ST3GAL2: variants seen among roughly 807,000 people sequenced by gnomAD.
ST3GAL2 encodes the protein ST3 beta-galactoside alpha-2,3-sialyltransferase 2, also known as CMP-N-acetylneuraminate-beta-galactosamide-alpha-2,3-sialyltransferase 2.
Under a neutral mutation model 37.5 loss-of-function variants are expected in ST3GAL2, and 16 were observed. The ratio of observed to expected loss-of-function variants is 0.43; its 90% CI spans 0.29 to 0.65. ST3GAL2 has a LOEUF of 0.65. Ranked by LOEUF, ST3GAL2 falls within the 30% of genes least tolerant of loss-of-function variation. ST3GAL2 has a pLI of 0.17. For synonymous variants in ST3GAL2, 238 were observed against 202.9 expected (o/e 1.17, Z -1.47); for missense variants, 383 against 487.8 (o/e 0.79, Z 2.02).
chr16:70,396,139 T>C (rs2047514677), intron 2 of ST3GAL2, among the ~76,000 whole-genome samples: 1 of 151,830 alleles, frequency 6.6e-6, no homozygotes. Context: ...ACCCTACTAA[T>C]TTTGTATTTT....
At position 70,399,132 on chromosome 16, in the gene ST3GAL2, A is replaced by C; in HGVS notation, c.-602T>G. ...ACCCCAACCCTGAGAGGACAAAAAC[A>C]GGAAGCTCTGTGAGTGTGGGAAAAC... On this transcript the variant is annotated 5_prime_UTR_variant, in exon 2 of 7. Coordinates refer to ENST00000342907, the MANE Select transcript of ST3GAL2 (RefSeq NM_006927.4). 2.5e-6 allele frequency: 1 copy of C among 399,932 alleles called. No homozygotes were observed. Among genetic ancestry groups the C allele is most frequent in the Non-Finnish European group, 4.4e-6 (1 of 227,070 alleles). The allele number at this position is 399,932 out of a possible 1,614,324, so 24.8% of individuals were successfully genotyped here.
chr16:70,395,373 C>T (rs1009914688), intron 2 of ST3GAL2, among the ~76,000 whole-genome samples, 198 bp from the exon 3 acceptor site: 4 of 152,230 alleles, frequency 2.6e-5, no homozygotes, highest in African/African-American at 7.2e-5. Flanking sequence ...GCAAAGTCCC[C>T]GGTTGTGAGT....
chr16:70,436,097 G>T (rs1222717685), intron 1 of ST3GAL2, among the ~76,000 whole-genome samples: 1 of 150,760 alleles, frequency 6.6e-6, no homozygotes, highest in Non-Finnish European at 1.5e-5. Context: ...CTGCACTCCA[G>T]CCTGGGTGAC....
rs1252674280 is a variant in ST3GAL2 at position 70,377,672 on chromosome 16, A to T, written c.*4017T>A. On this transcript the variant is annotated 3_prime_UTR_variant, in exon 7 of 7. Transcript: ENST00000342907. ...ACCCCGTCTCTACTAAAAATACAAA[A>T]ATTAGCTGGGCATGGTGGTGCGCAT... 6.6e-6 allele frequency: 1 copy of T among 151,698 alleles called. No individual in the cohort carries two copies. Among genetic ancestry groups the T allele is most frequent in the East Asian group, 1.9e-4 (1 of 5,150 alleles). The allele number at this position is 151,698 out of a possible 1,614,324, so 9.4% of individuals were successfully genotyped here.
chr16:70,395,239 C>A, intron 2 of ST3GAL2, 64 bp from the exon 3 acceptor site: 1 of 1,453,722 alleles, frequency 6.9e-7, no homozygotes. Flanking sequence ...AGGAGGGGCC[C>A]CGGCCTCCCC....
Position 70,398,195 on chromosome 16 carries a change from C to G in ST3GAL2, c.336G>C (p.Trp112Cys). The change falls in exon 2 of 7, where the codon TGG (tryptophan) becomes TGC (cysteine). Residue 112 changes from tryptophan (W) to cysteine (C), a missense_variant. Around this residue, in one of 2 missense-constraint regions of ST3GAL2, gnomAD observed 223 missense variants for 239.1 expected, o/e 0.93. Coordinates refer to ENST00000342907, the MANE Select transcript of ST3GAL2 (RefSeq NM_006927.4). ...GGAAGGGAGCAGCAGCTCTTACCAT[C>G]CACCACCTCTGGACGTCCGGTGGAA... is the stretch of plus-strand genomic sequence containing the variant. ...MDLPPDVQRW[W>C]MMLQPQFKSH... is the part of the protein sequence containing the mutation. 6.2e-7 allele frequency: 1 copy of G among 1,610,996 alleles called. No homozygotes were observed.
chr16:70,407,605 C>G (rs2047601474), intron 1 of ST3GAL2, among the ~76,000 whole-genome samples: 1 of 152,158 alleles, frequency 6.6e-6, no homozygotes, highest in South Asian at 2.1e-4. Flanking sequence ...CCTTGAAGAC[C>G]CCGCCTTCCA....
intron 1 of ST3GAL2, among the ~76,000 whole-genome samples, chr16:70,433,128 C>G (rs1011816145): frequency 6.6e-6 from 1 of 152,214 alleles, no homozygotes; most frequent in African/African-American, 2.4e-5. Flanking sequence ...GGAACCAGCT[C>G]TCATCACCAG....
chr16:70,410,332 G>A (rs1330082388), intron 1 of ST3GAL2, among the ~76,000 whole-genome samples: 3 of 129,914 alleles, frequency 2.3e-5, no homozygotes, highest in African/African-American at 8.7e-5. Context: ...CTCACTGCAA[G>A]CTCTGCCTCC....
intron 1 of ST3GAL2, among the ~76,000 whole-genome samples, chr16:70,421,386 C>T (rs1357512907): frequency 6.6e-6 from 1 of 152,230 alleles, no homozygotes; most frequent in Non-Finnish European, 1.5e-5. Flanking sequence ...GCCAAGGGCC[C>T]TCCTCGGTCC....
chr16:70,403,057 A>G (rs1444192135), intron 1 of ST3GAL2, among the ~76,000 whole-genome samples: 2 of 152,212 alleles, frequency 1.3e-5, no homozygotes, highest in Non-Finnish European at 2.9e-5. Flanking sequence ...TTAGGTTAAA[A>G]CATGTTTTAT....
intron 1 of ST3GAL2, among the ~76,000 whole-genome samples, chr16:70,425,216 C>T (rs554528599): frequency 4.6e-5 from 7 of 152,108 alleles, no homozygotes; most frequent in Non-Finnish European, 7.4e-5. Context: ...AATTCCAGCA[C>T]TTTAGGAGGC....
rs146966658 is a variant in ST3GAL2, at chr16:70,430,382, G to A, written c.-1004+8567C>T. ...ACCCACTGTTGCTTTAAGGACAAGA[G>A]TAAATTGCTTTTCAGGCACTGAGGA... is the stretch of plus-strand genomic sequence containing the variant. On this transcript the variant is annotated intron_variant, in intron 1 of 6. Coordinates refer to ENST00000342907, the MANE Select transcript of ST3GAL2 (RefSeq NM_006927.4). Among the ~76,000 whole-genome samples, 1,034 of 152,366 alleles carry A rather than the reference G, an allele frequency of 6.8e-3. 17 individuals carry two copies. Among genetic ancestry groups the A allele is most frequent in the African/African-American group, 0.023 (944 of 41,588 alleles).
Position 70,381,819 on chromosome 16 carries a change from T to A in ST3GAL2, c.923A>T (p.His308Leu). ...GTACCGGTTGTTCTCCCAGTAGTGG[T>A]GCCAGTTGCCCCGGCTGTCGGCCCC... ...GFGADSRGNWHHYWENNRYAG... is the reference protein window; with the variant it reads ...GFGADSRGNWLHYWENNRYAG... The change falls in exon 7 of 7, where the codon CAC becomes CTC. Residue 308 changes from histidine to leucine, a missense_variant. Transcript: ENST00000342907. 1 of 1,614,050 alleles carries A rather than the reference T, an allele frequency of 6.2e-7. No homozygotes were observed. The highest frequency in any genetic ancestry group is 1.1e-5 in the South Asian group (1 of 91,084).
chr16:70,428,405 C>T (rs1375637068), intron 1 of ST3GAL2, among the ~76,000 whole-genome samples: 1 of 151,442 alleles, frequency 6.6e-6, no homozygotes, highest in African/African-American at 2.4e-5. Flanking sequence ...CTATCTCTTC[C>T]CTCTTATCAG....
chr16:70,382,715 C>T, intron 6 of ST3GAL2, 90 bp downstream of exon 6: 4 of 1,570,334 alleles, frequency 2.5e-6, no homozygotes, highest in Admixed American at 1.7e-5. Context: ...CCTACAGAAG[C>T]ACATTCCTCT....
intron 2 of ST3GAL2, 109 bp downstream of exon 2, chr16:70,398,083 G>T: frequency 2.6e-6 from 3 of 1,138,858 alleles, no homozygotes; most frequent in Non-Finnish European, 3.7e-6. Flanking sequence ...TAAATGGCTT[G>T]GTCAAACAGG....
chr16:70,438,518 G>A (rs976722771), intron 1 of ST3GAL2, among the ~76,000 whole-genome samples: 50 of 152,282 alleles, frequency 3.3e-4, no homozygotes, highest in Non-Finnish European at 1.9e-4. Context: ...GGAGCTGATG[G>A]GGCAGACAGG....
chr16:70,429,890 G>A (rs1215727242), intron 1 of ST3GAL2, among the ~76,000 whole-genome samples: 8 of 152,038 alleles, frequency 5.3e-5, no homozygotes, highest in Non-Finnish European at 7.4e-5. Context: ...TGATCTGCCC[G>A]CCTTGGCCTC....
Sources: allele counts gnomAD v4.1 joint callset (sites outside exome capture counted in the v4.1 genomes callset), GRCh38; gene constraint gnomAD v4.1.1; regional missense constraint gnomAD v4.1.1; transcripts MANE v1.5; gene names NCBI Gene and HGNC (gene_info 2026-07-23, HGNC 2026-07-21).